Variants in NIPAL3 observed in about 807,000 individuals in gnomAD.
The protein encoded by NIPAL3 is NIPA-like protein 3.
In NIPAL3, 41 loss-of-function variants were observed where a neutral mutation model predicts 47.2. That is an observed-to-expected ratio of 0.87 (90% CI 0.68 to 1.13). The LOEUF is 1.13. NIPAL3 is among the 50% of genes most tolerant of loss of function. NIPAL3 has a pLI of 0.00. For synonymous variants in NIPAL3, 194 were observed against 209.6 expected (o/e 0.93, Z 0.64); for missense variants, 449 against 530.1 (o/e 0.85, Z 1.50).
chr1:24,467,859 C>CA (rs1359218603), intron 11 of NIPAL3, among the ~76,000 whole-genome samples: 4 of 152,034 alleles, frequency 2.6e-5, no homozygotes, highest in Admixed American at 6.5e-5. Flanking sequence ...GACTCTACCT[C>CA]AAAAAAGAAA....
chr1:24,442,280 G>C (rs904659735), intron 4 of NIPAL3, 54 bp downstream of exon 4: 51 of 1,583,640 alleles, frequency 3.2e-5, no homozygotes, highest in Non-Finnish European at 4.4e-5. Context: ...TGCGTGACCA[G>C]AGTGCCAGCG....
chr1:24,455,998 G>A lies in NIPAL3; in HGVS notation c.638-140G>A, dbSNP rs550494910. Reference sequence around the variant, plus strand: ...CCCAGTGCAAACGGCGTCTGTCACTGTGCAAACTGCCGGCTTGACTCTGTT... The same window carrying A: ...CCCAGTGCAAACGGCGTCTGTCACTATGCAAACTGCCGGCTTGACTCTGTT... On this transcript the variant is annotated intron_variant, in intron 7 of 11. Coordinates refer to ENST00000374399, the MANE Select transcript of NIPAL3 (RefSeq NM_020448.5). 2.8e-4 allele frequency: 273 copies of A among 986,868 alleles called. 1 individual carries two copies. The African/African-American group carries it at 4.0e-3, about 14-fold the overall frequency. 61.1% of individuals were successfully genotyped at this position (986,868 alleles called of 1,614,324 possible).
chr1:24,418,166 C>T (rs914030459), intron 1 of NIPAL3, among the ~76,000 whole-genome samples: 5 of 152,172 alleles, frequency 3.3e-5, no homozygotes, highest in African/African-American at 1.2e-4. Context: ...ACAGGTAGCA[C>T]ATGGCACATC....
intron 2 of NIPAL3, among the ~76,000 whole-genome samples, chr1:24,426,008 T>C (rs894755819): frequency 6.6e-6 from 1 of 152,194 alleles, no homozygotes; most frequent in Non-Finnish European, 1.5e-5. Context: ...TATTTACTTA[T>C]AGAACAGGAA....
In NIPAL3 at chr1:24,416,323, G is replaced by T. The variant is rs994415745; in HGVS notation, c.-258+419G>T. ...TTGTAAGTTTCCAGCTCAGTGGGAC[G>T]GGACGGAAGAATGTAACCTTCTCGT... On this transcript the variant is annotated intron_variant, in intron 1 of 11. Coordinates refer to ENST00000374399, the MANE Select transcript of NIPAL3 (RefSeq NM_020448.5). This position sits in a 1 kb window ranked among gnomAD's most constrained non-coding sequence, Gnocchi z 4.8. The T allele has an allele frequency of 8.1e-6, 8 of 985,310 alleles. No individual in the cohort carries two copies. The African/African-American group carries it at 1.4e-4, about 17-fold the overall frequency. 61.0% of individuals were successfully genotyped at this position (985,310 alleles called of 1,614,324 possible).
chr1:24,428,258 A>AAGAAAGAGAGAGAG (rs902856911), intron 2 of NIPAL3, among the ~76,000 whole-genome samples: 1 of 119,478 alleles, frequency 8.4e-6, no homozygotes, highest in Non-Finnish European at 1.7e-5. Context: ...CTCAAAAAGA[A>AAGAAAGAGAGAGAG]AGAGAGAGAG....
rs934134024 is a variant in NIPAL3, at chr1:24,442,322, G to A, written c.334+96G>A. 32 of 1,359,206 alleles carry A rather than the reference G, an allele frequency of 2.4e-5. No individual in the cohort carries two copies. In the African/African-American group the frequency reaches 4.2e-4, roughly 18 times the overall value. 84.2% of individuals were successfully genotyped at this position (1,359,206 alleles called of 1,614,324 possible). On this transcript the variant is annotated intron_variant, in intron 4 of 11. Transcript: ENST00000374399. Reference sequence around the variant, plus strand: ...TCAAAGGTGCCCATTGAACAAACCAGCTTTAGCTTGGATAATAATAGCCTA... The same window carrying A: ...TCAAAGGTGCCCATTGAACAAACCAACTTTAGCTTGGATAATAATAGCCTA...
chr1:24,459,775 G>A (rs1401549996), intron 9 of NIPAL3, among the ~76,000 whole-genome samples: 1 of 152,212 alleles, frequency 6.6e-6, no homozygotes, highest in Non-Finnish European at 1.5e-5. Context: ...GCTAAGTCAG[G>A]GTCAAGAAGC....
chr1:24,421,427 C>T (rs1004800092), intron 2 of NIPAL3, among the ~76,000 whole-genome samples: 1 of 152,152 alleles, frequency 6.6e-6, no homozygotes, highest in African/African-American at 2.4e-5. Flanking sequence ...ATCATCTCAT[C>T]AAACCTCTCA....
intron 2 of NIPAL3, among the ~76,000 whole-genome samples, chr1:24,421,192 C>T (rs11249109): frequency 0.27 from 40,647 of 151,482 alleles, 5,664 homozygotes; most frequent in East Asian, 0.45. Flanking sequence ...TGGTAGGGCA[C>T]CTACCACACA....
intron 2 of NIPAL3, chr1:24,433,182 CAGTG>C (rs1356478408): frequency 6.6e-6 from 1 of 152,220 alleles, no homozygotes; most frequent in Non-Finnish European, 1.5e-5. Context: ...GTCCGAGTCA[CAGTG>C]TCATGAAGGA....
Position 24,449,643 on chromosome 1 carries a change from G to A in NIPAL3, c.540+17G>A. The A allele has an allele frequency of 6.2e-7, 1 of 1,608,980 alleles. No homozygotes were observed. ...TTGTACATGGTAAGAGAAGCCTCCA[G>A]TCGTTCCCCCTGAGATGGCAGGAGG... On this transcript the variant is annotated intron_variant, in intron 6 of 11. Transcript: ENST00000374399. The surrounding 1 kb of genome is among the most constrained non-coding windows in gnomAD (Gnocchi z 4.5).
At chr1:24,414,441 G>C (rs569311215), upstream of NIPAL3, 1 of 150,568 alleles carries the variant, frequency 6.6e-6, no homozygotes, top group Middle Eastern at 3.5e-3. Flanking sequence ...CTCTTCACAC[G>C]CTTCAGGGCA....
In NIPAL3 at chr1:24,416,308, C is replaced by G. The variant is rs74795370; in HGVS notation, c.-258+404C>G. 1,758 of 985,400 alleles carry G rather than the reference C, an allele frequency of 1.8e-3. 28 individuals are homozygous for G. In the African/African-American group the frequency reaches 0.027, roughly 15 times the overall value. 61.0% of individuals were successfully genotyped at this position (985,400 alleles called of 1,614,324 possible). A position where few individuals can be genotyped will look rare whatever the true frequency, so the allele number is the denominator to read the frequency against. On this transcript the variant is annotated intron_variant, in intron 1 of 11. Coordinates refer to ENST00000374399, the MANE Select transcript of NIPAL3 (RefSeq NM_020448.5). The surrounding 1 kb of genome is among the most constrained non-coding windows in gnomAD (Gnocchi z 4.8). ...TGCTGTCTCCTCGAGTTGTAAGTTT[C>G]CAGCTCAGTGGGACGGGACGGAAGA...
rs373175866 is a variant in NIPAL3 at position 24,452,764 on chromosome 1, A to T, written c.541-644A>T. On this transcript the variant is annotated intron_variant, in intron 6 of 11. Coordinates refer to ENST00000374399, the MANE Select transcript of NIPAL3 (RefSeq NM_020448.5). ...ATGGAGCCTCGCTCTGTCTCCCAGG[A>T]TGGAGTGCAGTGGCGTGATCTCAGC... Among the ~76,000 whole-genome samples the T allele has an allele frequency of 3.6e-4, 55 of 151,526 alleles. 1 individual carries two copies. The South Asian group carries it at 0.01, about 28-fold the overall frequency.
upstream of NIPAL3, chr1:24,414,528 A>G (rs1303823639): frequency 7.1e-6 from 1 of 141,296 alleles, no homozygotes; most frequent in African/African-American, 2.7e-5. Context: ...GGTGAAATCC[A>G]AGCTTTTTTT....
intron 4 of NIPAL3, among the ~76,000 whole-genome samples, chr1:24,443,549 G>T (rs1645501270): frequency 6.6e-6 from 1 of 152,092 alleles, no homozygotes; most frequent in Admixed American, 6.5e-5. Flanking sequence ...GCATAGATGG[G>T]GCCTCAGAAT....
At chr1:24,466,271 G>A in intron 11 of NIPAL3, 3 of 463,756 alleles carry the variant, frequency 6.5e-6, no homozygotes, top group East Asian at 3.4e-5. Context: ...GACACAAGCA[G>A]GTGGAATGGG....
chr1:24,459,510 G>C (rs1646373458), intron 9 of NIPAL3, among the ~76,000 whole-genome samples: 2 of 152,106 alleles, frequency 1.3e-5, no homozygotes. Flanking sequence ...ATCATATAAA[G>C]CTGTTTGTTA....
Sources: gnomAD v4.1 joint callset for allele counts (sites outside exome capture counted in the v4.1 genomes callset) on GRCh38, gnomAD v4.1.1 for gene constraint, Gnocchi (gnomAD v3.1) non-coding constraint, MANE v1.5 for transcripts, NCBI Gene and HGNC (gene_info 2026-07-23, HGNC 2026-07-21) for gene names.